MITF: variants seen among roughly 807,000 people sequenced by gnomAD.
MITF encodes melanocyte inducing transcription factor, also known as microphthalmia-associated transcription factor.
In MITF, 17 loss-of-function variants were observed where a neutral mutation model predicts 60.5. That is an observed-to-expected ratio of 0.28 (90% confidence interval 0.19 to 0.42). The LOEUF is 0.42. MITF is among the 10% of genes least tolerant of loss of function. MITF has a pLI of 1.00. For synonymous variants in MITF, 260 were observed against 248.5 expected (o/e 1.05, Z -0.43); for missense variants, 622 against 683.5 (o/e 0.91, Z 1.00).
chr3:69,904,039 T>C (rs2065047488), intron 2 of MITF, among the ~76,000 whole-genome samples: 1 of 152,206 alleles, frequency 6.6e-6, no homozygotes, highest in Non-Finnish European at 1.5e-5. Flanking sequence ...ATTATTACTA[T>C]AATTTTTACC....
intron 1 of MITF, among the ~76,000 whole-genome samples, chr3:69,835,986 AT>A (rs1458326805): frequency 1.3e-5 from 2 of 150,968 alleles, no homozygotes; most frequent in Non-Finnish European, 3.0e-5. Context: ...GAATTTTAGG[AT>A]TTTTTTTCTA....
At chr3:69,776,912 C>G (rs997364865) in intron 1 of MITF, among the ~76,000 whole-genome samples, 2 of 151,956 alleles carry the variant, frequency 1.3e-5, no homozygotes, top group Non-Finnish European at 2.9e-5. Context: ...AACTTATATT[C>G]GAAGTGAATT....
chr3:69,766,033 T>C (rs1462639039), intron 1 of MITF, among the ~76,000 whole-genome samples: 3 of 152,206 alleles, frequency 2.0e-5, no homozygotes, highest in Admixed American at 6.5e-5. Flanking sequence ...AGTTATCTTT[T>C]TAAAAAGAGG....
At chr3:69,768,103 T>G (rs188291284) in intron 1 of MITF, among the ~76,000 whole-genome samples, 12 of 152,312 alleles carry the variant, frequency 7.9e-5, no homozygotes, top group Admixed American at 7.2e-4. Flanking sequence ...CTGCCCACAA[T>G]CAAGCAAAAA....
chr3:69,816,384 G>A (rs2063182314), intron 1 of MITF, among the ~76,000 whole-genome samples: 1 of 152,108 alleles, frequency 6.6e-6, no homozygotes, highest in African/African-American at 2.4e-5. Flanking sequence ...GAAAGCATAG[G>A]TGATCACACT....
intron 2 of MITF, among the ~76,000 whole-genome samples, chr3:69,883,934 T>G (rs2064550672): frequency 6.6e-6 from 1 of 152,136 alleles, no homozygotes; most frequent in Admixed American, 6.5e-5. Flanking sequence ...TGTCCTTTTG[T>G]TTTTGAATCA....
intron 4 of MITF, among the ~76,000 whole-genome samples, chr3:69,940,201 C>A (rs917039894): frequency 6.6e-6 from 1 of 152,200 alleles, no homozygotes; most frequent in African/African-American, 2.4e-5. Context: ...GGAGGCTTTG[C>A]CCTAATCTAG....
chr3:69,919,628 G>A (rs1166510574), intron 2 of MITF, among the ~76,000 whole-genome samples: 4 of 152,084 alleles, frequency 2.6e-5, no homozygotes, highest in Non-Finnish European at 4.4e-5. Context: ...ATAGCACAAT[G>A]TGCCTCTTGC....
At chr3:69,960,174 G>A (rs536756281) in intron 9 of MITF, among the ~76,000 whole-genome samples, 11 of 152,312 alleles carry the variant, frequency 7.2e-5, no homozygotes, top group African/African-American at 2.6e-4. Flanking sequence ...CTTAGTATTT[G>A]TAGGGTCCGG....
At position 69,753,995 on chromosome 3, in the gene MITF, T is replaced by C. The variant is rs192154838; in HGVS notation, c.104+14294T>C. On this transcript the variant is annotated intron_variant, in intron 1 of 9. Transcript: ENST00000352241. Reference sequence around the variant, plus strand: ...CAATGTGAGAAGGAAGAAGGATATGTGATTTGGGGGACCAGGGGTAGAATG... The same window carrying C: ...CAATGTGAGAAGGAAGAAGGATATGCGATTTGGGGGACCAGGGGTAGAATG... Among the ~76,000 whole-genome samples the C allele has an allele frequency of 2.7e-3, 416 of 152,284 alleles. 3 individuals carry two copies. Among genetic ancestry groups the C allele is most frequent in the African/African-American group, 9.6e-3 (400 of 41,562 alleles).
Position 69,937,941 on chromosome 3 carries a change from G to A in MITF, c.474G>A (p.Leu158=), listed in dbSNP as rs1374661260. The change falls in exon 3 of 10, where the codon TTG becomes TTA. Residue 158 remains leucine (L), a synonymous_variant. Coordinates refer to ENST00000352241, the MANE Select transcript of MITF (RefSeq NM_001354604.2). ...ANKHANQVLS[L]PCPNQPGDHV... ...AACATGCCAACCAAGTCCTGAGCTT[G>A]CCATGTCCAAACCAGCCTGGCGATC... 1.2e-6 allele frequency: 2 copies of A among 1,614,032 alleles called. No homozygotes were observed. Among genetic ancestry groups the A allele is most frequent in the Non-Finnish European group, 8.5e-7 (1 of 1,180,028 alleles).
At chr3:69,933,846 CT>C (rs2065775452) in intron 2 of MITF, among the ~76,000 whole-genome samples, 2 of 152,136 alleles carry the variant, frequency 1.3e-5, no homozygotes, top group Non-Finnish European at 2.9e-5. Flanking sequence ...CATTTGCATA[CT>C]TCTTTGGCTA....
At chr3:69,786,868 A>G (rs530072858) in intron 1 of MITF, among the ~76,000 whole-genome samples, 3 of 152,344 alleles carry the variant, frequency 2.0e-5, no homozygotes, top group Non-Finnish European at 4.4e-5. Flanking sequence ...ATTTAGGTGA[A>G]GAGTCCACAT....
intron 1 of MITF, among the ~76,000 whole-genome samples, chr3:69,744,703 G>A (rs1703655030): frequency 1.3e-5 from 2 of 152,194 alleles, no homozygotes; most frequent in Admixed American, 1.3e-4. Flanking sequence ...GACTGTGGTT[G>A]TCTTCTCTAA....
At chr3:69,879,512 C>T in intron 2 of MITF, 129 bp downstream of exon 2, 3 of 1,473,134 alleles carry the variant, frequency 2.0e-6, no homozygotes, top group Non-Finnish European at 2.8e-6. Flanking sequence ...AACTCCAACT[C>T]CCTTAATTCT....
At chr3:69,893,781 A>C (rs777386129) in intron 2 of MITF, among the ~76,000 whole-genome samples, 1 of 152,194 alleles carries the variant, frequency 6.6e-6, no homozygotes, top group East Asian at 1.9e-4. Flanking sequence ...CTTAAAAACT[A>C]CCTGGCTATG....
chr3:69,794,963 T>C (rs12494548), intron 1 of MITF, among the ~76,000 whole-genome samples: 5,529 of 152,270 alleles, frequency 0.036, 175 homozygotes, highest in East Asian at 0.16. Flanking sequence ...GCTGTGTGAG[T>C]AGTAGGCTCT....
chr3:69,933,695 A>G (rs2065772083), intron 2 of MITF, among the ~76,000 whole-genome samples: 1 of 152,174 alleles, frequency 6.6e-6, no homozygotes, highest in Non-Finnish European at 1.5e-5. Context: ...TGCTGTCTAT[A>G]CTTCAGGTGT....
intron 1 of MITF, among the ~76,000 whole-genome samples, chr3:69,808,076 T>C (rs2063039042): frequency 6.7e-6 from 1 of 148,556 alleles, no homozygotes; most frequent in Non-Finnish European, 1.5e-5. Context: ...ATAGTATGTA[T>C]TTATATATAC....
Sources: allele counts gnomAD v4.1 joint callset (sites outside exome capture counted in the v4.1 genomes callset), GRCh38; gene constraint gnomAD v4.1.1; transcripts MANE v1.5; gene names NCBI Gene and HGNC (gene_info 2026-07-23, HGNC 2026-07-21).